The following SGCD variants were observed in gnomAD, a reference collection of about 807,000 sequenced individuals.
The protein encoded by SGCD is sarcoglycan delta.
A neutral mutation model predicts 36.6 loss-of-function variants in SGCD; 18 were observed. The observed-to-expected ratio is 0.49, with a 90% CI of 0.34 to 0.73. The LOEUF (loss-of-function observed/expected upper bound fraction) is 0.73. Ranked by LOEUF, SGCD falls within the 30% of genes least tolerant of loss-of-function variation. The pLI is 0.01. For synonymous variants in SGCD, 133 were observed against 130.6 expected, an observed-to-expected ratio of 1.02 and a Z score of -0.12; for missense variants, 387 against 346.7, an observed-to-expected ratio of 1.12 and a Z score of -0.92.
intron 3 of SGCD, among the ~76,000 whole-genome samples, chr5:156,374,851 C>G (rs912851875): frequency 3.3e-5 from 5 of 152,050 alleles, no homozygotes; most frequent in Non-Finnish European, 5.9e-5. Flanking sequence ...CAGCCTGAGT[C>G]AAAGCTCGCA....
chr5:155,988,078 C>T (rs1158119059), intron 1 of SGCD, among the ~76,000 whole-genome samples: 3 of 152,174 alleles, frequency 2.0e-5, no homozygotes, highest in Non-Finnish European at 2.9e-5. Context: ...AGTTCCACAG[C>T]CAGTCAGTGG....
chr5:155,806,516 G>A, the SGCD span, among the ~76,000 whole-genome samples: 1 of 151,618 alleles, frequency 6.6e-6, no homozygotes, highest in Non-Finnish European at 1.5e-5. Context: ...TAGATTTGTT[G>A]AATTAACAAT....
Position 156,507,944 on chromosome 5 carries a change from T to G in SGCD, c.193-657T>G, listed in dbSNP as rs887137617. Among the ~76,000 whole-genome samples the G allele has an allele frequency of 5.4e-4, 82 of 152,268 alleles. 1 individual carries two copies. Among genetic ancestry groups the G allele is most frequent in the Middle Eastern group, 3.4e-3 (1 of 294 alleles). On this transcript the variant is annotated intron_variant, in intron 3 of 8. Transcript: ENST00000337851. ...TTAAGGAATGATTGTTACTTCTGGA[T>G]TGTGTGTGTGGTAATGGGATTATTG...
chr5:156,479,440 ACT>A (rs926588665), intron 3 of SGCD, among the ~76,000 whole-genome samples: 4 of 151,738 alleles, frequency 2.6e-5, no homozygotes, highest in Non-Finnish European at 5.9e-5. Context: ...GAGCTGAGAA[ACT>A]CTGCCCTGTC....
chr5:156,053,407 C>G lies in SGCD; in HGVS notation c.-281-64471C>G, dbSNP rs936692867. On this transcript the variant is annotated intron_variant, in intron 1 of 9. Transcript: ENST00000517913. ...AACAGGAGACAGGGGGCTGAGAATC[C>G]ATCTAAAAGGTAGTGAGGGGGTGAG... Among the ~76,000 whole-genome samples the G allele has an allele frequency of 2.7e-5, 4 of 146,342 alleles. 1 individual carries two copies. The highest frequency in any genetic ancestry group is 6.2e-5 in the Non-Finnish European group (4 of 64,878).
chr5:156,556,090 A>G (rs1161394178), intron 4 of SGCD, among the ~76,000 whole-genome samples: 2 of 149,894 alleles, frequency 1.3e-5, no homozygotes, highest in African/African-American at 5.0e-5. Context: ...AACACCTAAT[A>G]TCTAAGAAAA....
intron 7 of SGCD, among the ~76,000 whole-genome samples, chr5:156,742,304 G>A (rs888483832): frequency 6.6e-6 from 1 of 152,020 alleles, no homozygotes; most frequent in Non-Finnish European, 1.5e-5. Context: ...CCACATTTCT[G>A]CTTGATGACT....
chr5:156,231,380 C>T (rs1318726777), intron 3 of SGCD, among the ~76,000 whole-genome samples: 1 of 151,930 alleles, frequency 6.6e-6, no homozygotes, highest in Admixed American at 6.6e-5. Flanking sequence ...ACTAAAAATA[C>T]AAAAAATTAG....
At chr5:155,944,264 T>A (rs1368580040) in intron 1 of SGCD, among the ~76,000 whole-genome samples, 1 of 152,042 alleles carries the variant, frequency 6.6e-6, no homozygotes, top group Non-Finnish European at 1.5e-5. Flanking sequence ...AAAGGAAAAA[T>A]TATAGGGTTT....
At chr5:155,882,344 T>A (rs10475521) in intron 1 of SGCD, among the ~76,000 whole-genome samples, 7,531 of 152,142 alleles carry the variant, frequency 0.049, 502 homozygotes, top group African/African-American at 0.15. Context: ...CTCCCGAAGA[T>A]CTGAGATTAC....
intron 4 of SGCD, among the ~76,000 whole-genome samples, chr5:156,540,961 G>A (rs1758327439): frequency 6.6e-6 from 1 of 152,144 alleles, no homozygotes; most frequent in African/African-American, 2.4e-5. Context: ...AAACAAGTAG[G>A]TATCCATTTT....
intron 1 of SGCD, among the ~76,000 whole-genome samples, chr5:156,037,250 G>T (rs1374047202): frequency 6.6e-6 from 1 of 152,130 alleles, no homozygotes; most frequent in Non-Finnish European, 1.5e-5. Context: ...AGAGGCAAAA[G>T]AAGCTGGGGA....
chr5:155,938,082 C>T (rs1000786556), intron 1 of SGCD, among the ~76,000 whole-genome samples: 1 of 152,202 alleles, frequency 6.6e-6, no homozygotes, highest in African/African-American at 2.4e-5. Context: ...ATGCACATAC[C>T]TGCACATACA....
At chr5:156,074,259 C>T (rs1029438442) in intron 1 of SGCD, among the ~76,000 whole-genome samples, 14 of 152,078 alleles carry the variant, frequency 9.2e-5, no homozygotes, top group African/African-American at 3.1e-4. Flanking sequence ...GGATGAAAGA[C>T]TGAATATAGG....
At chr5:156,474,905 G>C (rs539759531) in intron 3 of SGCD, among the ~76,000 whole-genome samples, 4 of 152,116 alleles carry the variant, frequency 2.6e-5, no homozygotes, top group Admixed American at 6.5e-5. Context: ...TATAAGCCTT[G>C]GTCTTCAGAC....
At chr5:155,943,145 T>C (rs1757368486) in intron 1 of SGCD, among the ~76,000 whole-genome samples, 1 of 152,210 alleles carries the variant, frequency 6.6e-6, no homozygotes. Context: ...CTGTCTTGGT[T>C]TGAATCACTT....
chr5:156,080,873 C>T (rs1219418346), intron 1 of SGCD, among the ~76,000 whole-genome samples: 1 of 152,220 alleles, frequency 6.6e-6, no homozygotes, highest in African/African-American at 2.4e-5. Flanking sequence ...GTCCCCCAAA[C>T]TCTTTCAATC....
the SGCD span, among the ~76,000 whole-genome samples, chr5:155,787,444 A>G: frequency 2.0e-5 from 3 of 152,146 alleles, no homozygotes. Context: ...CCCTTTCCAA[A>G]TGACTCCTTA....
intron 1 of SGCD, among the ~76,000 whole-genome samples, chr5:156,105,791 T>C (rs2127597837): frequency 1.3e-5 from 2 of 152,130 alleles, no homozygotes; most frequent in South Asian, 4.1e-4. Context: ...TGTTCTCTCC[T>C]TTAAGGGATC....
Sources: gnomAD v4.1 joint callset for allele counts (sites outside exome capture counted in the v4.1 genomes callset) on GRCh38, gnomAD v4.1.1 for gene constraint, MANE v1.5 for transcripts, NCBI Gene and HGNC (gene_info 2026-07-23, HGNC 2026-07-21) for gene names.